Variants in PRKN observed in about 807,000 individuals in gnomAD.
The protein encoded by PRKN is parkin RBR E3 ubiquitin protein ligase, also known as E3 ubiquitin-protein ligase parkin.
In PRKN, 56 loss-of-function variants were observed where a neutral mutation model predicts 59.5. That is an observed-to-expected ratio of 0.94 (90% CI 0.76 to 1.18). The LOEUF (loss-of-function observed/expected upper bound fraction) is 1.18. Among genes scored for constraint, PRKN ranks in the 50% most tolerant of loss-of-function variants. The pLI is 0.00. For missense variants in PRKN, 657 were observed against 596.4 expected, an observed-to-expected ratio of 1.10 and a Z score of -1.06; for synonymous variants, 250 against 222.1, an observed-to-expected ratio of 1.13 and a Z score of -1.12.
intron 1 of PRKN, among the ~76,000 whole-genome samples, chr6:162,548,808 C>A (rs923582952): frequency 1.3e-5 from 2 of 152,128 alleles, no homozygotes; most frequent in African/African-American, 4.8e-5. Flanking sequence ...TGGCAATCAT[C>A]TCAAGTTAAA....
At chr6:162,629,903 A>G (rs1783040212) in intron 1 of PRKN, among the ~76,000 whole-genome samples, 1 of 152,194 alleles carries the variant, frequency 6.6e-6, no homozygotes, top group Non-Finnish European at 1.5e-5. Flanking sequence ...ATTGAAGTAT[A>G]TAATTCCCAA....
At chr6:162,211,292 T>C (rs1038272974) in intron 3 of PRKN, among the ~76,000 whole-genome samples, 8 of 152,200 alleles carry the variant, frequency 5.3e-5, no homozygotes, top group Non-Finnish European at 1.2e-4. Flanking sequence ...GCTAACAGTT[T>C]CATGGAAATT....
rs1780397072 is a variant in PRKN at position 161,560,044 on chromosome 6, A to G, written c.933+9311T>C. Among the ~76,000 whole-genome samples the G allele has an allele frequency of 6.6e-6, 1 of 152,078 alleles. No homozygotes were observed. ...TCACAATGCATCCCTCATGCCCCACATCATTGCTTCAGAGGCTCAAGCTGC... is the reference window on the plus strand; with the variant it reads ...TCACAATGCATCCCTCATGCCCCACGTCATTGCTTCAGAGGCTCAAGCTGC... On this transcript the variant is annotated intron_variant, in intron 8 of 11. Coordinates refer to ENST00000366898, the MANE Select transcript of PRKN (RefSeq NM_004562.3). This position sits in a 1 kb window ranked among gnomAD's most constrained non-coding sequence, Gnocchi z 4.9.
rs978378410 is a variant in PRKN at position 162,530,568 on chromosome 6, A to G, written c.8-87095T>C. 2.0e-5 allele frequency among the ~76,000 whole-genome samples: 3 copies of G among 152,194 alleles called. No individual in the cohort carries two copies. The East Asian group carries it at 5.8e-4, about 29-fold the overall frequency. ...TCCTCGTCTGCAGAATGAAGAACAC[A>G]GTCTGCCTCCCTGGGAGCAGAAATA... On this transcript the variant is annotated intron_variant, in intron 1 of 11. Coordinates refer to ENST00000366898, the MANE Select transcript of PRKN (RefSeq NM_004562.3).
At chr6:162,000,385 T>G (rs1374345698) in intron 5 of PRKN, among the ~76,000 whole-genome samples, 2 of 152,232 alleles carry the variant, frequency 1.3e-5, no homozygotes, top group East Asian at 3.9e-4. Flanking sequence ...TTTTTTAAAT[T>G]TTAATTTCCC....
At chr6:161,808,386 T>C (rs1215658362) in intron 6 of PRKN, among the ~76,000 whole-genome samples, 1 of 152,200 alleles carries the variant, frequency 6.6e-6, no homozygotes, top group Non-Finnish European at 1.5e-5. Context: ...TGTAAGAGAA[T>C]ATAAGTTGCT....
At chr6:162,103,968 G>A (rs1481926610) in intron 4 of PRKN, among the ~76,000 whole-genome samples, 1 of 152,208 alleles carries the variant, frequency 6.6e-6, no homozygotes, top group East Asian at 1.9e-4. Context: ...AGTCTCAGGG[G>A]ATGGCAGCCT....
chr6:162,475,454 T>C (rs575315317), intron 1 of PRKN, among the ~76,000 whole-genome samples: 2 of 149,682 alleles, frequency 1.3e-5, no homozygotes, highest in East Asian at 3.9e-4. Flanking sequence ...GAGGAACAAA[T>C]AAACAGCAGA....
chr6:161,353,339 G>A lies in PRKN; in HGVS notation c.1286-3128C>T, dbSNP rs954554567. ...CCCTGGAGGAAGGAATGCTGCACAGGGAGGCCAAGAAGAATCTAGACCGGC... is the reference window on the plus strand; with the variant it reads ...CCCTGGAGGAAGGAATGCTGCACAGAGAGGCCAAGAAGAATCTAGACCGGC... On this transcript the variant is annotated intron_variant, in intron 11 of 11. Coordinates refer to ENST00000366898, the MANE Select transcript of PRKN (RefSeq NM_004562.3). This position sits in a 1 kb window ranked among gnomAD's most constrained non-coding sequence, Gnocchi z 4.8. Among the ~76,000 whole-genome samples the A allele has an allele frequency of 1.3e-5, 2 of 152,130 alleles. No individual in the cohort carries two copies. Among genetic ancestry groups the A allele is most frequent in the African/African-American group, 4.8e-5 (2 of 41,428 alleles).
rs959708502 is a variant in PRKN, at chr6:161,877,100, G to T, written c.735-91192C>A. On this transcript the variant is annotated intron_variant, in intron 6 of 11. Transcript: ENST00000366898. The stretch of plus-strand genomic sequence containing the variant: ...ATGCCTGAATCCTATATGTAGTCCC[G>T]ACCTTCCCTCTTGCACAGAGACTCT... Among the ~76,000 whole-genome samples the T allele has an allele frequency of 4.6e-5, 7 of 152,226 alleles. No individual in the cohort carries two copies. The East Asian group carries it at 1.4e-3, about 29-fold the overall frequency.
chr6:161,802,745 T>C (rs1056751080), intron 6 of PRKN, among the ~76,000 whole-genome samples: 5 of 152,114 alleles, frequency 3.3e-5, no homozygotes, highest in Non-Finnish European at 7.3e-5. Context: ...TCACTTCCTA[T>C]AGTAGATTTG....
intron 7 of PRKN, among the ~76,000 whole-genome samples, chr6:161,777,843 T>C (rs192003032): frequency 0.035 from 5,014 of 144,808 alleles, 370 homozygotes; most frequent in African/African-American, 0.12. Flanking sequence ...TATACGTATA[T>C]ATGTATATAT....
chr6:162,339,275 CGTCCGGG>C lies in PRKN; in HGVS notation c.172-76517_172-76511del, dbSNP rs1784026559. Among the ~76,000 whole-genome samples the C allele has an allele frequency of 9.6e-5, 14 of 145,400 alleles. 1 individual carries two copies. The highest frequency in any genetic ancestry group is 9.5e-4 in the Admixed American group (14 of 14,726). On this transcript the variant is annotated intron_variant, in intron 2 of 11. Transcript: ENST00000366898. ...CAGCCCCCCGCCCGGCCAGCCGCCC[CGTCCGGG>C]AGGGAGGTGGGGGGGTCAGCCCCCC...
At chr6:162,690,595 G>A (rs982267643) in intron 1 of PRKN, among the ~76,000 whole-genome samples, 3 of 152,156 alleles carry the variant, frequency 2.0e-5, no homozygotes, top group Non-Finnish European at 4.4e-5. Context: ...AGAAACAAAA[G>A]GCTTGGAGAC....
At chr6:161,601,127 A>G (rs1238033397) in intron 7 of PRKN, among the ~76,000 whole-genome samples, 1 of 152,222 alleles carries the variant, frequency 6.6e-6, no homozygotes, top group Non-Finnish European at 1.5e-5. Flanking sequence ...AGAATTTACC[A>G]TTTGACTTCA....
At chr6:162,237,097 T>A (rs1034739240) in intron 3 of PRKN, among the ~76,000 whole-genome samples, 1 of 152,112 alleles carries the variant, frequency 6.6e-6, no homozygotes, top group Non-Finnish European at 1.5e-5. Context: ...TCTTACTAAA[T>A]TGAGATTTAT....
At chr6:161,508,684 T>C (rs528722031) in intron 9 of PRKN, among the ~76,000 whole-genome samples, 7 of 152,296 alleles carry the variant, frequency 4.6e-5, no homozygotes, top group Admixed American at 4.6e-4. Flanking sequence ...AGATCAGTTT[T>C]GCAACCCTTT....
intron 7 of PRKN, among the ~76,000 whole-genome samples, chr6:161,741,092 C>A (rs1038853175): frequency 1.3e-5 from 2 of 152,240 alleles, no homozygotes; most frequent in Non-Finnish European, 2.9e-5. Context: ...CATTTGCATT[C>A]TTAATTCAGC....
intron 7 of PRKN, among the ~76,000 whole-genome samples, chr6:161,696,314 G>A (rs1786020610): frequency 2.0e-5 from 3 of 152,188 alleles, no homozygotes; most frequent in Admixed American, 2.0e-4. Context: ...ATTTGGACGG[G>A]ATATTTGGAA....
Sources: allele counts gnomAD v4.1 joint callset (sites outside exome capture counted in the v4.1 genomes callset), GRCh38; gene constraint gnomAD v4.1.1; non-coding constraint Gnocchi (gnomAD v3.1); transcripts MANE v1.5; gene names NCBI Gene and HGNC (gene_info 2026-07-23, HGNC 2026-07-21).